Variants in LEO1 observed in about 807,000 individuals in gnomAD.
LEO1 encodes the protein LEO1 component of Paf1/RNA polymerase II complex.
A neutral mutation model predicts 80.4 loss-of-function variants in LEO1; 34 were observed. The observed-to-expected ratio is 0.42, with a 90% CI of 0.32 to 0.56. The LOEUF (loss-of-function observed/expected upper bound fraction) is 0.56. LEO1 is among the 20% of genes least tolerant of loss of function. The pLI is 0.10. For missense variants in LEO1, 631 were observed against 814.2 expected (o/e 0.77, Z 2.74); for synonymous variants, 262 against 274.9 (o/e 0.95, Z 0.46).
At chr15:51,963,587 C>T (rs985135739) in intron 2 of LEO1, among the ~76,000 whole-genome samples, 6 of 151,988 alleles carry the variant, frequency 3.9e-5, no homozygotes, top group Non-Finnish European at 7.4e-5. Flanking sequence ...CTTAAAGATT[C>T]TTTCTGGTAA....
intron 7 of LEO1, 118 bp from the exon 8 acceptor site, chr15:51,953,381 G>A: frequency 2.1e-6 from 2 of 965,820 alleles, no homozygotes; most frequent in Admixed American, 4.8e-5. Context: ...CCAGCACTTT[G>A]GGACACCAAG....
At position 51,966,443 on chromosome 15, in the gene LEO1, G is replaced by A; in HGVS notation, c.120C>T (p.Ala40=). ...DQENAASGSN[A]SGSESDQDER... is the part of the protein sequence containing the mutation. ...CATCCTGATCACTTTCACTTCCAGA[G>A]GCATTACTGCCAGAGGCAGCATTCT... is the stretch of plus-strand genomic sequence containing the variant. The change falls in exon 2 of 12, where the codon GCC becomes GCT. Residue 40 remains alanine, a synonymous_variant. Coordinates refer to ENST00000299601, the MANE Select transcript of LEO1 (RefSeq NM_138792.4). 3 of 1,613,866 alleles carry A rather than the reference G, an allele frequency of 1.9e-6. No homozygotes were observed. Among genetic ancestry groups the A allele is most frequent in the Non-Finnish European group, 2.5e-6 (3 of 1,179,834 alleles).
chr15:51,965,867 TTCA>T lies in LEO1; in HGVS notation c.693_695del (p.Asp231del), dbSNP rs754782859. 6 of 1,614,038 alleles carry T rather than the reference TTCA, an allele frequency of 3.7e-6. No homozygotes were observed. The highest frequency in any genetic ancestry group is 5.1e-6 in the Non-Finnish European group (6 of 1,180,026). On this transcript the variant is annotated inframe_deletion, in exon 2 of 12. Coordinates refer to ENST00000299601, the MANE Select transcript of LEO1 (RefSeq NM_138792.4). ...CTTCATCAGACAGCTGTGGTTGTTCTTCATCATCAGAATTCTGTTTCTCATCAT... is the reference window on the plus strand; with the variant it reads ...CTTCATCAGACAGCTGTGGTTGTTCTTCATCAGAATTCTGTTTCTCATCAT...
Position 51,966,176 on chromosome 15 carries a change from A to G in LEO1, c.387T>C (p.His129=), listed in dbSNP as rs773256145. Residue 129 remains histidine (H), a synonymous_variant, in exon 2 of 12, where the codon CAT becomes CAC. Coordinates refer to ENST00000299601, the MANE Select transcript of LEO1 (RefSeq NM_138792.4). ...EGHRSDGGSH[H]SEAEGSEKAH... is the part of the protein sequence containing the mutation. ...CTTTTTCAGAACCTTCTGCTTCTGA[A>G]TGATGGCTCCCTCCATCCGATCTAT... 2 of 1,613,996 alleles carry G rather than the reference A, an allele frequency of 1.2e-6. No individual in the cohort carries two copies. Among genetic ancestry groups the G allele is most frequent in the South Asian group, 2.2e-5 (2 of 91,072 alleles).
At chr15:51,939,325 C>G (rs1268195819) in intron 11 of LEO1, among the ~76,000 whole-genome samples, 3 of 152,176 alleles carry the variant, frequency 2.0e-5, no homozygotes, top group Non-Finnish European at 2.9e-5. Flanking sequence ...GGTATGCCCA[C>G]TTTTTTCTGA....
In LEO1 at chr15:51,966,172, C is replaced by G; in HGVS notation, c.391G>C (p.Glu131Gln). The change falls in exon 2 of 12, where the codon GAA becomes CAA. Residue 131 changes from glutamate (E) to glutamine (Q), a missense_variant. Physicochemically the swap from Glu to Gln is conservative, Grantham distance 29. Around this residue, in one of 4 missense-constraint regions of LEO1, gnomAD observed 394 missense variants for 395.6 expected, o/e 1.00. Coordinates refer to ENST00000299601, the MANE Select transcript of LEO1 (RefSeq NM_138792.4). ...HRSDGGSHHS[E>Q]AEGSEKAHSD... ...TGTGCTTTTTCAGAACCTTCTGCTT[C>G]TGAATGATGGCTCCCTCCATCCGAT... The G allele has an allele frequency of 6.2e-7, 1 of 1,613,988 alleles. No homozygotes were observed. The highest frequency in any genetic ancestry group is 8.5e-7 in the Non-Finnish European group (1 of 1,180,036).
At chr15:51,956,021 T>C (rs1371800801) in intron 6 of LEO1, among the ~76,000 whole-genome samples, 2 of 152,210 alleles carry the variant, frequency 1.3e-5, no homozygotes, top group Admixed American at 6.5e-5. Context: ...GTTCATTATA[T>C]TGTTTTTAAT....
intron 7 of LEO1, 138 bp downstream of exon 7, chr15:51,954,343 T>C (rs2141760556): frequency 1.6e-6 from 1 of 622,990 alleles, no homozygotes; most frequent in East Asian, 2.8e-5. Context: ...TATCATGTCA[T>C]TACACTCCAA....
chr15:51,941,431 A>T (rs2056851523), intron 11 of LEO1, among the ~76,000 whole-genome samples: 1 of 152,162 alleles, frequency 6.6e-6, no homozygotes, highest in Non-Finnish European at 1.5e-5. Flanking sequence ...CAAGAGGGAG[A>T]GCTGGAGAAA....
intron 11 of LEO1, among the ~76,000 whole-genome samples, chr15:51,945,563 C>CT (rs1200116163): frequency 6.6e-6 from 1 of 152,176 alleles, no homozygotes; most frequent in African/African-American, 2.4e-5. Context: ...CTCCCAAGAC[C>CT]CCCCAGAGCA....
intron 2 of LEO1, 28 bp downstream of exon 2, chr15:51,965,721 G>A: frequency 6.4e-7 from 1 of 1,568,410 alleles, no homozygotes; most frequent in Non-Finnish European, 8.6e-7. Flanking sequence ...TTCTTTCTGA[G>A]CCATTCTGGT....
At chr15:51,940,388 A>G (rs778764913) in intron 11 of LEO1, among the ~76,000 whole-genome samples, 1 of 148,634 alleles carries the variant, frequency 6.7e-6, no homozygotes, top group Non-Finnish European at 1.5e-5. Flanking sequence ...GTGAAACCCC[A>G]TCTCTACTAA....
At chr15:51,961,503 G>A (rs868473953) in intron 3 of LEO1, among the ~76,000 whole-genome samples, 1 of 151,682 alleles carries the variant, frequency 6.6e-6, no homozygotes, top group Non-Finnish European at 1.5e-5. Flanking sequence ...AGCGATTCTC[G>A]TGCCTCAGCC....
At position 51,971,735 on chromosome 15, in the gene LEO1, A is replaced by T. The variant is rs767155134; in HGVS notation, c.11T>A (p.Met4Lys). Residue 4 changes from methionine (M) to lysine (K), a missense_variant, in exon 1 of 12, where the codon ATG becomes AAG. Around this residue, in one of 4 missense-constraint regions of LEO1, gnomAD observed 394 missense variants for 395.6 expected, o/e 1.00. Transcript: ENST00000299601. ...GGCGTCGCTCCCGAAGAGATCCTCC[A>T]TATCCGCCATTATCGCTCACGTCCG... MAD[M>K]EDLFGSDADS... is the part of the protein sequence containing the mutation. 6.2e-7 allele frequency: 1 copy of T among 1,614,028 alleles called. No homozygotes were observed. The highest frequency in any genetic ancestry group is 1.3e-5 in the African/African-American group (1 of 74,924).
intron 11 of LEO1, among the ~76,000 whole-genome samples, chr15:51,946,325 GTAGC>G (rs1233671260): frequency 6.6e-6 from 1 of 152,020 alleles, no homozygotes; most frequent in Non-Finnish European, 1.5e-5. Context: ...GAGGCTGAGA[GTAGC>G]TAGGATTACA....
chr15:51,964,590 A>T (rs2470606), intron 2 of LEO1, among the ~76,000 whole-genome samples: 5,025 of 151,964 alleles, frequency 0.033, 275 homozygotes, highest in African/African-American at 0.12. Context: ...GTTATTGAAA[A>T]CTTACTGCAG....
intron 11 of LEO1, among the ~76,000 whole-genome samples, chr15:51,942,579 A>G (rs2056862238): frequency 6.6e-6 from 1 of 152,236 alleles, no homozygotes; most frequent in Non-Finnish European, 1.5e-5. Flanking sequence ...TAAATGCATC[A>G]TTAAGATGTT....
chr15:51,971,554 G>T (rs538268760), intron 1 of LEO1, 134 bp downstream of exon 1: 4 of 830,820 alleles, frequency 4.8e-6, no homozygotes, highest in African/African-American at 3.3e-5. Flanking sequence ...GCACCTCCGG[G>T]AGTGCAGGGG....
intron 11 of LEO1, among the ~76,000 whole-genome samples, chr15:51,944,758 TC>T (rs1176231898): frequency 6.6e-6 from 1 of 151,676 alleles, no homozygotes; most frequent in Non-Finnish European, 1.5e-5. Context: ...TATATACTTT[TC>T]ATATATACTA....
Sources: gnomAD v4.1 joint callset for allele counts (sites outside exome capture counted in the v4.1 genomes callset) on GRCh38, gnomAD v4.1.1 for gene constraint, gnomAD v4.1.1 regional missense constraint, MANE v1.5 for transcripts, NCBI Gene and HGNC (gene_info 2026-07-23, HGNC 2026-07-21) for gene names.